SMPD3: variants seen among roughly 807,000 people sequenced by gnomAD.
SMPD3 encodes the protein nSMase-2.
Under a neutral mutation model 55.7 loss-of-function variants are expected in SMPD3, and 21 were observed. The observed-to-expected ratio is 0.38, with a 90% CI of 0.27 to 0.54. SMPD3 has a LOEUF of 0.54. Ranked by LOEUF, SMPD3 falls within the 20% of genes least tolerant of loss-of-function variation. The pLI, the probability that SMPD3 is intolerant of heterozygous loss-of-function variation, is 0.80. For synonymous variants in SMPD3, 457 were observed against 404.3 expected (o/e 1.13, Z -1.56); for missense variants, 842 against 899.6 (o/e 0.94, Z 0.82).
chr16:68,445,895 A>C (rs909180203), intron 1 of SMPD3, among the ~76,000 whole-genome samples: 1 of 152,140 alleles, frequency 6.6e-6, no homozygotes, highest in Admixed American at 6.5e-5. Context: ...GGGCATGCTT[A>C]TCCTCTAGGG....
At chr16:68,386,400 G>T (rs2090053392) in intron 2 of SMPD3, among the ~76,000 whole-genome samples, 198 bp downstream of exon 2, 2 of 152,222 alleles carry the variant, frequency 1.3e-5, no homozygotes, top group South Asian at 4.1e-4. Context: ...GTTCAGGATG[G>T]GACCCAGATG....
At chr16:68,394,470 T>C (rs1030308460) in intron 1 of SMPD3, among the ~76,000 whole-genome samples, 3 of 152,234 alleles carry the variant, frequency 2.0e-5, no homozygotes, top group African/African-American at 7.2e-5. Flanking sequence ...GTTGTTGTCA[T>C]TTATTTCTTT....
At chr16:68,418,754 A>G (rs575214791) in intron 1 of SMPD3, among the ~76,000 whole-genome samples, 59 of 152,326 alleles carry the variant, frequency 3.9e-4, no homozygotes, top group Non-Finnish European at 6.5e-4. Flanking sequence ...TCTTTTGTTC[A>G]TTTCTAAAGT....
chr16:68,387,119 TA>T (rs941234727), intron 1 of SMPD3, among the ~76,000 whole-genome samples: 1 of 151,904 alleles, frequency 6.6e-6, no homozygotes, highest in Non-Finnish European at 1.5e-5. Flanking sequence ...TTCCCTAAGA[TA>T]CTGAGGGTAG....
chr16:68,368,463 A>T (rs2089551594), intron 3 of SMPD3: 1 of 153,256 alleles, frequency 6.5e-6, no homozygotes, highest in East Asian at 1.9e-4. Context: ...GCTGATGCAG[A>T]GGAGGGGGCC....
intron 1 of SMPD3, among the ~76,000 whole-genome samples, chr16:68,434,203 G>A (rs1010154187): frequency 6.6e-6 from 1 of 152,004 alleles, no homozygotes; most frequent in African/African-American, 2.4e-5. Flanking sequence ...ACTCCTTTCC[G>A]TTGTTATATA....
chr16:68,424,824 C>T (rs1442723592), intron 1 of SMPD3, among the ~76,000 whole-genome samples: 1 of 152,198 alleles, frequency 6.6e-6, no homozygotes, highest in African/African-American at 2.4e-5. Flanking sequence ...GATCCTCCCA[C>T]CTTAGCTTCC....
chr16:68,389,239 G>A (rs890244538), intron 1 of SMPD3, among the ~76,000 whole-genome samples: 1 of 152,212 alleles, frequency 6.6e-6, no homozygotes, highest in African/African-American at 2.4e-5. Context: ...ACCTAGCACA[G>A]CAAGGCAGTG....
At position 68,361,147 on chromosome 16, in the gene SMPD3, T is replaced by C. The variant is rs2151968165; in HGVS notation, c.*59A>G. 10 of 1,502,624 alleles carry C rather than the reference T, an allele frequency of 6.7e-6. No individual in the cohort carries two copies. Among genetic ancestry groups the C allele is most frequent in the Non-Finnish European group, 9.2e-6 (10 of 1,089,822 alleles). 93.1% of individuals were successfully genotyped at this position (1,502,624 alleles called of 1,614,324 possible). A position where few individuals can be genotyped will look rare whatever the true frequency, so the allele number is the denominator to read the frequency against. The stretch of plus-strand genomic sequence containing the variant: ...CACCGGGCACTCGATGGAGGGGACA[T>C]GGCCCAGGGATGGGCTGCAGCTGCA... On this transcript the variant is annotated 3_prime_UTR_variant, in exon 9 of 9. Transcript: ENST00000219334.
intron 1 of SMPD3, among the ~76,000 whole-genome samples, chr16:68,406,937 G>C (rs1391086654): frequency 6.6e-6 from 1 of 152,200 alleles, no homozygotes; most frequent in Non-Finnish European, 1.5e-5. Flanking sequence ...TGGGGGTAGG[G>C]CAGTAGAGAC....
chr16:68,374,404 A>C (rs2089755553), intron 2 of SMPD3, among the ~76,000 whole-genome samples: 1 of 152,152 alleles, frequency 6.6e-6, no homozygotes, highest in Non-Finnish European at 1.5e-5. Flanking sequence ...CTTTGAAGCC[A>C]ACACTGGACG....
chr16:68,444,160 C>T (rs1357023921), intron 1 of SMPD3, among the ~76,000 whole-genome samples: 30 of 152,204 alleles, frequency 2.0e-4, no homozygotes, highest in Non-Finnish European at 4.4e-5. Flanking sequence ...TTGGGGAAAT[C>T]CTCTTGGAGG....
At chr16:68,399,745 C>T (rs1228351300) in intron 1 of SMPD3, among the ~76,000 whole-genome samples, 2 of 152,224 alleles carry the variant, frequency 1.3e-5, no homozygotes, top group African/African-American at 2.4e-5. Flanking sequence ...CAGGTTGCCT[C>T]GTCCTCATCA....
chr16:68,369,818 G>A (rs2151980805), intron 3 of SMPD3: 1 of 152,406 alleles, frequency 6.6e-6, no homozygotes, highest in East Asian at 1.9e-4. Flanking sequence ...TTGAAGACAA[G>A]CTCTGCCACT....
At chr16:68,374,358 G>A (rs1255743467) in intron 2 of SMPD3, among the ~76,000 whole-genome samples, 1 of 152,258 alleles carries the variant, frequency 6.6e-6, no homozygotes, top group Non-Finnish European at 1.5e-5. Flanking sequence ...CTGATAAGCA[G>A]CTTCACAAGG....
intron 1 of SMPD3, among the ~76,000 whole-genome samples, chr16:68,445,246 A>G (rs2090600924): frequency 6.6e-6 from 1 of 152,246 alleles, no homozygotes; most frequent in African/African-American, 2.4e-5. Context: ...CAGAAAGAAG[A>G]GGATAAATGT....
chr16:68,424,689 G>C (rs948666134), intron 1 of SMPD3, among the ~76,000 whole-genome samples: 2 of 152,158 alleles, frequency 1.3e-5, no homozygotes, highest in African/African-American at 4.8e-5. Context: ...CTGTCTTCAT[G>C]ACTCTATTAT....
chr16:68,392,231 A>G (rs1191488907), intron 1 of SMPD3, among the ~76,000 whole-genome samples: 1 of 152,168 alleles, frequency 6.6e-6, no homozygotes, highest in Non-Finnish European at 1.5e-5. Flanking sequence ...AGTAATAGAC[A>G]TTCCATAGAA....
At chr16:68,437,378 T>C (rs2090531202) in intron 1 of SMPD3, among the ~76,000 whole-genome samples, 2 of 152,266 alleles carry the variant, frequency 1.3e-5, no homozygotes, top group Admixed American at 6.5e-5. Context: ...GAGTTCAGCA[T>C]GTGCTGACAC....
Sources: allele counts gnomAD v4.1 joint callset (sites outside exome capture counted in the v4.1 genomes callset), GRCh38; gene constraint gnomAD v4.1.1; transcripts MANE v1.5; gene names NCBI Gene and HGNC (gene_info 2026-07-23, HGNC 2026-07-21).